CNTNAP2: variants seen among roughly 807,000 people sequenced by gnomAD.
CNTNAP2 encodes contactin associated protein 2.
CNTNAP2 carries 98 observed loss-of-function variants against 155.2 expected under a neutral mutation model. The ratio of observed to expected loss-of-function variants is 0.63; its 90% confidence interval spans 0.54 to 0.75. The LOEUF (loss-of-function observed/expected upper bound fraction) is 0.75, where lower values mean the gene tolerates loss of function less well. Ranked by LOEUF, CNTNAP2 falls within the 30% of genes least tolerant of loss-of-function variation. The pLI, the probability that CNTNAP2 is intolerant of heterozygous loss-of-function variation, is 0.00. For missense variants in CNTNAP2, 1,727 were observed against 1,688.1 expected (o/e 1.02, Z -0.40); for synonymous variants, 651 against 631.2 (o/e 1.03, Z -0.47).
At chr7:146,685,493 T>A (rs1263292739) in intron 1 of CNTNAP2, among the ~76,000 whole-genome samples, 5 of 152,078 alleles carry the variant, frequency 3.3e-5, no homozygotes, top group Admixed American at 3.3e-4. Context: ...GGTAAAAGGG[T>A]GGGAGAACCA....
At chr7:147,628,303 A>G (rs1795023454) in intron 12 of CNTNAP2, among the ~76,000 whole-genome samples, 1 of 152,206 alleles carries the variant, frequency 6.6e-6, no homozygotes, top group Non-Finnish European at 1.5e-5. Context: ...ACCTTACAAG[A>G]CAGAAAGAAT....
chr7:147,329,396 T>C (rs1179516281), intron 9 of CNTNAP2, among the ~76,000 whole-genome samples: 2 of 152,066 alleles, frequency 1.3e-5, no homozygotes, highest in African/African-American at 2.4e-5. Flanking sequence ...AATTTATATA[T>C]ACATTCTTAT....
intron 1 of CNTNAP2, among the ~76,000 whole-genome samples, chr7:146,212,854 G>C (rs1799057778): frequency 6.6e-6 from 1 of 152,112 alleles, no homozygotes; most frequent in Non-Finnish European, 1.5e-5. Context: ...GTTCTTCCAG[G>C]TGACTAAAAT....
chr7:147,016,900 G>C (rs1373070465), intron 3 of CNTNAP2, among the ~76,000 whole-genome samples: 1 of 151,968 alleles, frequency 6.6e-6, no homozygotes, highest in Non-Finnish European at 1.5e-5. Context: ...TGATTCCACA[G>C]AGAAAAATGT....
intron 11 of CNTNAP2, among the ~76,000 whole-genome samples, chr7:147,517,383 A>G (rs1281208491): frequency 6.6e-6 from 1 of 152,120 alleles, no homozygotes; most frequent in Non-Finnish European, 1.5e-5. Flanking sequence ...TCCTTGTTGA[A>G]TTTTTCACCA....
At chr7:147,933,094 T>C (rs2116801847) in intron 14 of CNTNAP2, among the ~76,000 whole-genome samples, 1 of 139,936 alleles carries the variant, frequency 7.1e-6, no homozygotes, top group East Asian at 2.0e-4. Context: ...TGTTTGTTTG[T>C]TTTGAGACAG....
At chr7:146,133,089 T>TTTA (rs1318284699) in intron 1 of CNTNAP2, among the ~76,000 whole-genome samples, 1 of 149,248 alleles carries the variant, frequency 6.7e-6, no homozygotes, top group African/African-American at 2.5e-5. Flanking sequence ...TTCCTGACTT[T>TTTA]TTAATGATTG....
intron 21 of CNTNAP2, among the ~76,000 whole-genome samples, chr7:148,291,718 G>T (rs1449654383): frequency 6.6e-6 from 1 of 152,084 alleles, no homozygotes; most frequent in African/African-American, 2.4e-5. Flanking sequence ...AGCATGGGAG[G>T]TAATGCGTAT....
chr7:146,252,107 A>T (rs1170785383), intron 1 of CNTNAP2, among the ~76,000 whole-genome samples: 5 of 152,154 alleles, frequency 3.3e-5, no homozygotes, highest in Non-Finnish European at 5.9e-5. Context: ...ACCAGGGGAG[A>T]CAGAGGCTGA....
At chr7:147,424,158 T>TG (rs1182757554) in intron 10 of CNTNAP2, among the ~76,000 whole-genome samples, 1 of 152,124 alleles carries the variant, frequency 6.6e-6, no homozygotes, top group Non-Finnish European at 1.5e-5. Flanking sequence ...CCCAATACCT[T>TG]CAATCTACCC....
intron 10 of CNTNAP2, among the ~76,000 whole-genome samples, chr7:147,466,990 A>T (rs937171038): frequency 6.6e-6 from 1 of 152,190 alleles, no homozygotes; most frequent in African/African-American, 2.4e-5. Flanking sequence ...ATTTAAGTTA[A>T]TGTATCTTAT....
chr7:146,156,854 A>T (rs770897056), intron 1 of CNTNAP2, among the ~76,000 whole-genome samples: 2 of 151,940 alleles, frequency 1.3e-5, no homozygotes, highest in Non-Finnish European at 2.9e-5. Context: ...ACCCGCCTCG[A>T]CCTCCCAAAA....
At chr7:146,662,308 T>C (rs1027264854) in intron 1 of CNTNAP2, among the ~76,000 whole-genome samples, 2 of 151,938 alleles carry the variant, frequency 1.3e-5, no homozygotes, top group Non-Finnish European at 2.9e-5. Context: ...TGGCTAGTTT[T>C]TCTATTTTTA....
chr7:148,008,686 TG>T (rs2116902468), intron 15 of CNTNAP2, among the ~76,000 whole-genome samples: 1 of 152,384 alleles, frequency 6.6e-6, no homozygotes, highest in African/African-American at 2.4e-5. Flanking sequence ...CTTCCTTATT[TG>T]TGTAGTTCAA....
At chr7:146,334,715 C>T (rs1307479241) in intron 1 of CNTNAP2, among the ~76,000 whole-genome samples, 1 of 152,172 alleles carries the variant, frequency 6.6e-6, no homozygotes, top group African/African-American at 2.4e-5. Flanking sequence ...TCCTCCTCTG[C>T]AAGTGTAATG....
At chr7:147,240,587 C>T (rs1406099233) in intron 8 of CNTNAP2, among the ~76,000 whole-genome samples, 1 of 152,208 alleles carries the variant, frequency 6.6e-6, no homozygotes, top group Non-Finnish European at 1.5e-5. Flanking sequence ...TGTCTATCTC[C>T]ATAGCCTCTG....
chr7:148,012,585 T>C (rs1014214097), intron 15 of CNTNAP2, among the ~76,000 whole-genome samples: 2 of 152,162 alleles, frequency 1.3e-5, no homozygotes, highest in Non-Finnish European at 2.9e-5. Flanking sequence ...AAAAAAATTG[T>C]TTTTTAAGAG....
At chr7:146,855,249 A>G (rs1794952021) in intron 3 of CNTNAP2, among the ~76,000 whole-genome samples, 1 of 152,182 alleles carries the variant, frequency 6.6e-6, no homozygotes, top group Non-Finnish European at 1.5e-5. Flanking sequence ...GTCCAATAGA[A>G]CAATAGCTAT....
intron 3 of CNTNAP2, among the ~76,000 whole-genome samples, chr7:147,031,497 A>G (rs1367073954): frequency 6.6e-6 from 1 of 152,254 alleles, no homozygotes; most frequent in South Asian, 2.1e-4. Context: ...GTAAACTTAG[A>G]CAATGAAATA....
Sources: gnomAD v4.1 joint callset for allele counts (sites outside exome capture counted in the v4.1 genomes callset) on GRCh38, gnomAD v4.1.1 for gene constraint, MANE v1.5 for transcripts, NCBI Gene and HGNC (gene_info 2026-07-23, HGNC 2026-07-21) for gene names.